NBAS: variants seen among roughly 807,000 people sequenced by gnomAD.
NBAS encodes NAG/BC035112 fusion.
NBAS carries 219 observed loss-of-function variants against 302.5 expected under a neutral mutation model. That is an observed-to-expected ratio of 0.72 (90% CI 0.65 to 0.81). The LOEUF (loss-of-function observed/expected upper bound fraction) is 0.81. Ranked by LOEUF, NBAS falls within the 30% of genes least tolerant of loss-of-function variation. The pLI is 0.00. For missense variants in NBAS, 2,932 were observed against 2,841.6 expected (o/e 1.03, Z -0.72); for synonymous variants, 1,118 against 1,021.6 (o/e 1.09, Z -1.80).
chr2:15,333,340 A>G (rs1672436532), intron 35 of NBAS, among the ~76,000 whole-genome samples: 1 of 152,222 alleles, frequency 6.6e-6, no homozygotes, highest in South Asian at 2.1e-4. Flanking sequence ...GCAGGACATG[A>G]GGATGAAAGA....
At chr2:15,165,497 C>T (rs1441565736), downstream of NBAS, among the ~76,000 whole-genome samples, 2 of 152,154 alleles carry the variant, frequency 1.3e-5, no homozygotes, top group African/African-American at 4.8e-5. Flanking sequence ...AAGTCTCCTC[C>T]AAAGATGACC....
intron 48 of NBAS, among the ~76,000 whole-genome samples, chr2:15,196,468 A>G (rs2125152974): frequency 6.6e-6 from 1 of 152,306 alleles, no homozygotes; most frequent in Non-Finnish European, 1.5e-5. Flanking sequence ...ATTTCTTACA[A>G]CTGGATATGA....
intron 40 of NBAS, among the ~76,000 whole-genome samples, 199 bp from the exon 41 acceptor site, chr2:15,292,965 A>G (rs1670378500): frequency 6.6e-6 from 1 of 152,168 alleles, no homozygotes; most frequent in East Asian, 1.9e-4. Flanking sequence ...CAAAGACAGG[A>G]CACAGAACTA....
chr2:15,319,830 T>C (rs1362130194), intron 38 of NBAS, among the ~76,000 whole-genome samples: 2 of 152,128 alleles, frequency 1.3e-5, no homozygotes, highest in Non-Finnish European at 2.9e-5. Flanking sequence ...GAGGAGCTGG[T>C]ACCATTCCTT....
Position 15,489,027 on chromosome 2 carries a change from A to G in NBAS, c.955-5T>C. On this transcript the variant is annotated splice_polypyrimidine_tract_variant and splice_region_variant and intron_variant, in intron 11 of 51. Transcript: ENST00000281513. ...GCTCATCTTAAAAATTCCATCCTAA[A>G]TAAGAATCATAAGGTCAGGGCAAAG... is the stretch of plus-strand genomic sequence containing the variant. 6.2e-7 allele frequency: 1 copy of G among 1,613,034 alleles called. No homozygotes were observed. Among genetic ancestry groups the G allele is most frequent in the Non-Finnish European group, 8.5e-7 (1 of 1,179,320 alleles).
chr2:15,172,955 G>A (rs563987234), intron 51 of NBAS, among the ~76,000 whole-genome samples: 14 of 152,320 alleles, frequency 9.2e-5, no homozygotes, highest in African/African-American at 3.1e-4. Context: ...AATACACACT[G>A]TCTGTAAGGG....
chr2:14,807,147 G>C, the NBAS span, among the ~76,000 whole-genome samples: 8 of 151,976 alleles, frequency 5.3e-5, no homozygotes, highest in African/African-American at 9.7e-5. Flanking sequence ...TATCAGGGGG[G>C]GGTTCACATG....
chr2:15,310,148 A>G (rs1020335042), intron 38 of NBAS, among the ~76,000 whole-genome samples: 5 of 152,164 alleles, frequency 3.3e-5, no homozygotes, highest in Non-Finnish European at 7.3e-5. Context: ...CTGACATTTA[A>G]GTTGTTTGTA....
intron 40 of NBAS, among the ~76,000 whole-genome samples, chr2:15,299,327 A>G (rs966996344): frequency 2.0e-5 from 3 of 152,256 alleles, no homozygotes; most frequent in Admixed American, 2.0e-4. Flanking sequence ...TCTTTAAAGA[A>G]TATGGTCAAA....
chr2:14,880,867 C>G, the NBAS span, among the ~76,000 whole-genome samples: 15 of 151,554 alleles, frequency 9.9e-5, no homozygotes, highest in Admixed American at 3.9e-4. Flanking sequence ...TGAAGGGTAT[C>G]CTACAGAAAT....
At chr2:14,923,485 C>G in the NBAS span, among the ~76,000 whole-genome samples, 1 of 152,144 alleles carries the variant, frequency 6.6e-6, no homozygotes, top group South Asian at 2.1e-4. Context: ...TGCTTTGTGA[C>G]AAATGCCAGG....
rs143561304 is a variant in NBAS at position 15,474,077 on chromosome 2, T to A, written c.1589A>T (p.Tyr530Phe). 1.9e-6 allele frequency: 3 copies of A among 1,614,098 alleles called. No homozygotes were observed. In the South Asian group the frequency reaches 3.3e-5, roughly 18 times the overall value. ...ATGCTACTCTCTCACCTTCCTCTGA[T>A]AAAGTTCCTCTGGTGTCGTGGAGCG... ...SLRSTTPEEL[Y>F]QRKIESEEYE... Residue 530 changes from tyrosine to phenylalanine, a missense_variant, in exon 15 of 52, where the codon TAT becomes TTT. Coordinates refer to ENST00000281513, the MANE Select transcript of NBAS (RefSeq NM_015909.4).
chr2:15,127,774 G>A, the NBAS span, among the ~76,000 whole-genome samples: 1 of 152,126 alleles, frequency 6.6e-6, no homozygotes, highest in Non-Finnish European at 1.5e-5. Context: ...GTGCTGAAGG[G>A]GAATGGCCTG....
intron 35 of NBAS, among the ~76,000 whole-genome samples, chr2:15,350,071 T>C (rs1673277019): frequency 6.6e-6 from 1 of 152,132 alleles, no homozygotes; most frequent in Admixed American, 6.5e-5. Flanking sequence ...TACACACGCA[T>C]ATTAGATCCA....
At chr2:15,352,176 AAGAAAATTACC>A in intron 34 of NBAS, 95 bp from the exon 35 acceptor site, 1 of 844,502 alleles carries the variant, frequency 1.2e-6, no homozygotes, top group Non-Finnish European at 1.9e-6. Flanking sequence ...TACTTTTAAA[AAGAAAATTACC>A]TTTTCATAAT....
At chr2:15,459,081 C>T (rs1167825670) in intron 21 of NBAS, among the ~76,000 whole-genome samples, 1 of 152,160 alleles carries the variant, frequency 6.6e-6, no homozygotes, top group South Asian at 2.1e-4. Flanking sequence ...AAAAGTGTGG[C>T]ATTGGGTACT....
chr2:15,474,301 T>C lies in NBAS; in HGVS notation c.1365A>G (p.Lys455=). ...SLECEIKLAP[K]RSRLETRAGE... ...CAGCTCTAGTCTCCAAACGAGATCG[T>C]TTGGGGGCAAGTTTAATCTCACACT... Residue 455 remains lysine, a synonymous_variant, in exon 15 of 52, where the codon AAA becomes AAG. Coordinates refer to ENST00000281513, the MANE Select transcript of NBAS (RefSeq NM_015909.4). The C allele has an allele frequency of 1.2e-6, 2 of 1,613,574 alleles. No homozygotes were observed. Among genetic ancestry groups the C allele is most frequent in the Non-Finnish European group, 1.7e-6 (2 of 1,179,720 alleles).
intron 51 of NBAS, 77 bp from the exon 52 acceptor site, chr2:15,167,400 C>T: frequency 6.5e-7 from 1 of 1,546,266 alleles, no homozygotes; most frequent in Non-Finnish European, 8.9e-7. Context: ...TCGCTCTCCA[C>T]TGGGCTGCCT....
At chr2:14,817,679 A>C in the NBAS span, among the ~76,000 whole-genome samples, 1 of 152,232 alleles carries the variant, frequency 6.6e-6, no homozygotes, top group African/African-American at 2.4e-5. Flanking sequence ...ATATACCTAT[A>C]AATATATTCT....
Sources: gnomAD v4.1 joint callset for allele counts (sites outside exome capture counted in the v4.1 genomes callset) on GRCh38, gnomAD v4.1.1 for gene constraint, MANE v1.5 for transcripts, NCBI Gene and HGNC (gene_info 2026-07-23, HGNC 2026-07-21) for gene names.